The following NEXMIF variants were observed in gnomAD, a reference collection of about 807,000 sequenced individuals.
NEXMIF encodes the protein XLMR protein related to neurite extension.
A neutral mutation model predicts 62.1 loss-of-function variants in NEXMIF; 8 were observed. The observed-to-expected ratio is 0.13, with a 90% CI of 0.08 to 0.23. NEXMIF has a LOEUF of 0.23. Among genes scored for constraint, NEXMIF ranks in the 10% least tolerant of loss-of-function variants. The pLI, the probability that NEXMIF is intolerant of heterozygous loss-of-function variation, is 1.00. For synonymous variants in NEXMIF, 404 were observed against 416.6 expected, an observed-to-expected ratio of 0.97 and a Z score of 0.37; for missense variants, 976 against 1,113.3, an observed-to-expected ratio of 0.88 and a Z score of 1.75.
At chrX:74,748,906 G>T (rs2080133640) in intron 1 of NEXMIF, among the ~76,000 whole-genome samples, 1 of 111,667 alleles carries the variant, frequency 9.0e-6, no homozygotes, top group Non-Finnish European at 1.9e-5. Flanking sequence ...TATGGGTCTG[G>T]GGCAATATAG....
chrX:74,829,358 C>G (rs995673998), intron 1 of NEXMIF, among the ~76,000 whole-genome samples: 2 of 112,343 alleles, frequency 1.8e-5, no homozygotes, highest in Non-Finnish European at 1.9e-5. Flanking sequence ...CCAATTCCAT[C>G]TACGTTGTTG....
chrX:74,750,809 T>C (rs1050355589), intron 1 of NEXMIF, among the ~76,000 whole-genome samples: 2 of 111,661 alleles, frequency 1.8e-5, no homozygotes, highest in Admixed American at 1.9e-4. Flanking sequence ...ACGATACAAG[T>C]TTTAACAATA....
At chrX:74,778,457 C>T (rs1042920635) in intron 1 of NEXMIF, among the ~76,000 whole-genome samples, 1 of 111,019 alleles carries the variant, frequency 9.0e-6, no homozygotes, top group African/African-American at 3.3e-5. Context: ...TCTTTCATCT[C>T]GCTCTCTCGC....
chrX:74,802,281 T>A (rs992513349), intron 1 of NEXMIF, among the ~76,000 whole-genome samples: 4 of 111,521 alleles, frequency 3.6e-5, no homozygotes, highest in Middle Eastern at 9.2e-3. Context: ...GCTTCAGATC[T>A]GACCCAGCAC....
intron 1 of NEXMIF, among the ~76,000 whole-genome samples, chrX:74,876,468 T>C (rs2080634081): frequency 9.0e-6 from 1 of 111,148 alleles, no homozygotes; most frequent in Non-Finnish European, 1.9e-5. Context: ...GTATATTCTG[T>C]GGATTTGGGG....
At position 74,742,760 on chromosome X, in the gene NEXMIF, C is replaced by T. The variant is rs144467442; in HGVS notation, c.1797G>A (p.Thr599=). Residue 599 remains threonine (T), a synonymous_variant, in exon 3 of 4, where the codon ACG becomes ACA. Transcript: ENST00000055682. The part of the protein sequence containing the change: ...QKKKKQRNTN[T]DSIKTPFSQK... ...GGGAAAAAGGTGTCTTGATGGAGTC[C>T]GTGTTGGTGTTTCTCTGCTTCTTCT... The T allele has an allele frequency of 3.7e-5, 45 of 1,208,917 alleles. No homozygotes were observed. Among genetic ancestry groups the T allele is most frequent in the Non-Finnish European group, 4.0e-5 (36 of 894,921 alleles).
intron 1 of NEXMIF, among the ~76,000 whole-genome samples, chrX:74,880,179 A>G (rs2080657119): frequency 8.9e-6 from 1 of 111,945 alleles, no homozygotes; most frequent in African/African-American, 3.3e-5. Context: ...TCATTTCCAC[A>G]TCACCTTACG....
At chrX:74,808,387 AAGTG>A (rs2080351186) in intron 1 of NEXMIF, among the ~76,000 whole-genome samples, 1 of 111,651 alleles carries the variant, frequency 9.0e-6, no homozygotes, top group South Asian at 3.8e-4. Flanking sequence ...CTGGGTGACA[AAGTG>A]AGTGAGACTC....
chrX:74,747,119 C>A (rs1443229487), intron 1 of NEXMIF, among the ~76,000 whole-genome samples: 1 of 111,930 alleles, frequency 8.9e-6, no homozygotes, highest in Non-Finnish European at 1.9e-5. Context: ...TTACTCTGTG[C>A]ATTTTTGTTT....
At chrX:74,912,231 C>G (rs1287128081) in intron 1 of NEXMIF, among the ~76,000 whole-genome samples, 1 of 111,498 alleles carries the variant, frequency 9.0e-6, no homozygotes, top group Non-Finnish European at 1.9e-5. Context: ...TGCTGGAAGT[C>G]TCAAGGATTA....
At chrX:74,816,782 T>C (rs765396975) in intron 1 of NEXMIF, among the ~76,000 whole-genome samples, 1 of 111,909 alleles carries the variant, frequency 8.9e-6, no homozygotes, top group Non-Finnish European at 1.9e-5. Flanking sequence ...AATACCCCTA[T>C]CACAAGTAAC....
At chrX:74,894,578 G>A (rs1181772597) in intron 1 of NEXMIF, among the ~76,000 whole-genome samples, 4 of 111,535 alleles carry the variant, frequency 3.6e-5, no homozygotes, top group African/African-American at 1.3e-4. Context: ...TATTGATTCA[G>A]AAATCCTCAA....
At chrX:74,916,616 C>T (rs987884050) in intron 1 of NEXMIF, among the ~76,000 whole-genome samples, 11 of 111,723 alleles carry the variant, frequency 9.8e-5, no homozygotes, top group Non-Finnish European at 1.7e-4. Flanking sequence ...AATTCACCAG[C>T]AAGAAGGCCC....
At chrX:74,899,776 T>C (rs2080743460) in intron 1 of NEXMIF, among the ~76,000 whole-genome samples, 1 of 110,906 alleles carries the variant, frequency 9.0e-6, no homozygotes, top group African/African-American at 3.3e-5. Context: ...ATAGCCAGAG[T>C]AATCTTGGGG....
At chrX:74,842,190 T>C (rs1182250883) in intron 1 of NEXMIF, among the ~76,000 whole-genome samples, 3 of 111,755 alleles carry the variant, frequency 2.7e-5, no homozygotes, top group Non-Finnish European at 5.6e-5. Context: ...ATCAAGTTCT[T>C]TCTGGCTCAG....
At chrX:74,888,310 CAAAA>C (rs748607057) in intron 1 of NEXMIF, among the ~76,000 whole-genome samples, 4 of 89,405 alleles carry the variant, frequency 4.5e-5, no homozygotes, top group African/African-American at 8.0e-5. Flanking sequence ...AACAAACAAA[CAAAA>C]AAAAAAAGAA....
At chrX:74,831,587 C>G (rs1258339990) in intron 1 of NEXMIF, among the ~76,000 whole-genome samples, 1 of 110,474 alleles carries the variant, frequency 9.1e-6, no homozygotes, top group Non-Finnish European at 1.9e-5. Context: ...TTAATCCAGT[C>G]TATCGTTGTT....
At chrX:74,905,456 A>G (rs6647568) in intron 1 of NEXMIF, among the ~76,000 whole-genome samples, 16,452 of 111,986 alleles carry the variant, frequency 0.15, 1,791 homozygotes, top group East Asian at 0.91. Context: ...TTCTCCAAGT[A>G]GAGATCCAAG....
chrX:74,851,961 T>C (rs1203872738), intron 1 of NEXMIF, among the ~76,000 whole-genome samples: 1 of 111,118 alleles, frequency 9.0e-6, no homozygotes, highest in Non-Finnish European at 1.9e-5. Flanking sequence ...AGCCCTCACA[T>C]ATTAATAATA....
Sources: gnomAD v4.1 joint callset for allele counts (sites outside exome capture counted in the v4.1 genomes callset) on GRCh38, gnomAD v4.1.1 for gene constraint, MANE v1.5 for transcripts, NCBI Gene and HGNC (gene_info 2026-07-23, HGNC 2026-07-21) for gene names.